NELFCD: variants seen among roughly 807,000 people sequenced by gnomAD.
NELFCD encodes negative elongation factor complex member C/D, also known as negative elongation factor C/D.
A neutral mutation model predicts 72.9 loss-of-function variants in NELFCD; 48 were observed. The ratio of observed to expected loss-of-function variants is 0.66; its 90% CI spans 0.52 to 0.84. The LOEUF (loss-of-function observed/expected upper bound fraction) is 0.84, where lower values mean the gene tolerates loss of function less well. Ranked by LOEUF, NELFCD falls within the 40% of genes least tolerant of loss-of-function variation. The probability of loss-of-function intolerance (pLI) is 0.00; values close to 1 mark genes in which losing one functional copy is unlikely to be tolerated. For synonymous variants in NELFCD, 297 were observed against 280.6 expected (o/e 1.06, Z -0.59); for missense variants, 538 against 723.8 (o/e 0.74, Z 2.94).
At chr20:58,989,723 G>T (rs770780332) in intron 6 of NELFCD, 83 bp downstream of exon 6, 1 of 1,606,798 alleles carries the variant, frequency 6.2e-7, no homozygotes, top group Non-Finnish European at 8.5e-7. Context: ...TCCTTCCCTG[G>T]AGAGAATCTC....
Position 58,991,033 on chromosome 20 carries a change from G to T in NELFCD, c.912G>T (p.Leu304=), listed in dbSNP as rs1037847197. 3.1e-6 allele frequency: 5 copies of T among 1,614,040 alleles called. No individual in the cohort carries two copies. In the African/African-American group the frequency reaches 6.7e-5, roughly 22 times the overall value. Residue 304 remains leucine (L), a synonymous_variant, in exon 8 of 15, where the codon CTG becomes CTT. Coordinates refer to ENST00000652272, the MANE Select transcript of NELFCD (RefSeq NM_198976.4). ...GALNPADITV[L]FKMFTSMDPP... The stretch of plus-strand genomic sequence containing the variant: ...TGAACCCTGCTGACATCACCGTCCT[G>T]TTCAAGATGTTCACAAGCATGGACC...
At position 58,994,733 on chromosome 20, in the gene NELFCD, C is replaced by T. The variant is rs2091846865; in HGVS notation, c.*57C>T. 10 of 1,465,106 alleles carry T rather than the reference C, an allele frequency of 6.8e-6. No individual in the cohort carries two copies. The Admixed American group carries it at 1.4e-4, about 21-fold the overall frequency. The allele number at this position is 1,465,106 out of a possible 1,614,324, so 90.8% of individuals were successfully genotyped here. A position where few individuals can be genotyped will look rare whatever the true frequency, so the allele number is the denominator to read the frequency against. ...ATTCCAGAACCCGTTGTGGAAAAAC[C>T]CTTTCAAGAAGCTGTTTTAAGAGGC... On this transcript the variant is annotated 3_prime_UTR_variant, in exon 15 of 15. Coordinates refer to ENST00000652272, the MANE Select transcript of NELFCD (RefSeq NM_198976.4).
At chr20:58,983,861 G>A in intron 1 of NELFCD, among the ~76,000 whole-genome samples, 1 of 152,122 alleles carries the variant, frequency 6.6e-6, no homozygotes, top group Non-Finnish European at 1.5e-5. Context: ...CCCCACTGAT[G>A]GGAGATTGGG....
intron 1 of NELFCD, among the ~76,000 whole-genome samples, 199 bp from the exon 2 acceptor site, chr20:58,985,894 C>G (rs980625555): frequency 6.6e-6 from 1 of 152,168 alleles, no homozygotes; most frequent in Non-Finnish European, 1.5e-5. Context: ...GTTGTACACA[C>G]CCACTCAGTG....
Position 58,993,001 on chromosome 20 carries a change from TC to T in NELFCD, c.1235del (p.Pro412GlnfsTer3). ...LSTLYQCIRF[P>X]VVAMGVLKWV... ...AAGCATTCTGCCTTAACTGTAGGTT[TC>T]CAGTGGTAGCAATGGGTGTGCTGAA... On this transcript the variant is annotated frameshift_variant, in exon 11 of 15. Coordinates refer to ENST00000652272, the MANE Select transcript of NELFCD (RefSeq NM_198976.4). LOFTEE classifies it high-confidence loss of function. This position sits in a 1 kb window ranked among gnomAD's most constrained non-coding sequence, Gnocchi z 5.0. The T allele has an allele frequency of 6.2e-7, 1 of 1,612,102 alleles. No individual in the cohort carries two copies. The highest frequency in any genetic ancestry group is 8.5e-7 in the Non-Finnish European group (1 of 1,178,132).
At chr20:58,990,857 AG>A in intron 7 of NELFCD, 52 bp from the exon 8 acceptor site, 1 of 1,504,906 alleles carries the variant, frequency 6.6e-7, no homozygotes, top group Admixed American at 2.0e-5. Flanking sequence ...AAAAAAGAAC[AG>A]AAAAAAGAAG....
intron 1 of NELFCD, among the ~76,000 whole-genome samples, chr20:58,981,726 A>C (rs1054479574): frequency 1.4e-4 from 22 of 151,952 alleles, no homozygotes; most frequent in Non-Finnish European, 3.2e-4. Context: ...ACCAACGCTA[A>C]GGTGGAGGGT....
chr20:58,989,769 G>T, intron 6 of NELFCD, 89 bp from the exon 7 acceptor site: 2 of 1,608,136 alleles, frequency 1.2e-6, no homozygotes, highest in Non-Finnish European at 1.7e-6. Flanking sequence ...GCTCACTCCC[G>T]GGCCCGAGCA....
Position 58,994,236 on chromosome 20 carries a change from A to G in NELFCD, c.1708A>G (p.Ile570Val), listed in dbSNP as rs747293890. The G allele has an allele frequency of 1.1e-5, 18 of 1,614,080 alleles. No individual in the cohort carries two copies. Among genetic ancestry groups the G allele is most frequent in the Non-Finnish European group, 1.5e-5 (18 of 1,179,956 alleles). ...EGEHDPVTEF[I>V]AHCKSNFIMV... ...CGAGCATGACCCTGTGACGGAGTTT[A>G]TAGGTGAGGCCGACTGCCTAGCCCT... The change falls in exon 14 of 15, where the codon ATA becomes GTA. Residue 570 changes from isoleucine to valine, a missense_variant. This residue lies in a region of NELFCD where 136 missense variants were observed against 154.0 expected (regional missense o/e 0.88). Coordinates refer to ENST00000652272, the MANE Select transcript of NELFCD (RefSeq NM_198976.4).
intron 1 of NELFCD, among the ~76,000 whole-genome samples, chr20:58,981,903 A>G (rs575465971): frequency 4.4e-4 from 67 of 152,286 alleles, no homozygotes; most frequent in Non-Finnish European, 7.9e-4. Context: ...GGGCAAACTG[A>G]TGGAAAGGAT....
At position 58,986,018 on chromosome 20, in the gene NELFCD, T is replaced by G; in HGVS notation, c.61-75T>G. The G allele has an allele frequency of 1.1e-6, 1 of 951,876 alleles. No homozygotes were observed. Among genetic ancestry groups the G allele is most frequent in the Non-Finnish European group, 1.7e-6 (1 of 577,340 alleles). 59.0% of individuals were successfully genotyped at this position (951,876 alleles called of 1,614,324 possible). ...TAGAATACTTTCAAAATGGGCAGCATTATACGATTTAAGGTGAGATTAGGG... is the reference window on the plus strand; with the variant it reads ...TAGAATACTTTCAAAATGGGCAGCAGTATACGATTTAAGGTGAGATTAGGG... On this transcript the variant is annotated intron_variant, in intron 1 of 14. Transcript: ENST00000652272. The surrounding 1 kb of genome is among the most constrained non-coding windows in gnomAD (Gnocchi z 4.4).
chr20:58,981,531 G>GCCCCGC (rs1185936648), intron 1 of NELFCD, among the ~76,000 whole-genome samples, 162 bp downstream of exon 1: 2 of 146,862 alleles, frequency 1.4e-5, no homozygotes, highest in South Asian at 2.1e-4. Flanking sequence ...AGCACAGCCC[G>GCCCCGC]CCCCGCCCCC....
chr20:58,994,887 T>G lies in NELFCD; in HGVS notation c.*211T>G. The stretch of plus-strand genomic sequence containing the variant: ...CCCTTCTCTGCTGTCAATCCAATAC[T>G]GCTCCCAAATCCTGTTTTCAGTGTT... On this transcript the variant is annotated 3_prime_UTR_variant, in exon 15 of 15. Coordinates refer to ENST00000652272, the MANE Select transcript of NELFCD (RefSeq NM_198976.4). 1.8e-6 allele frequency: 1 copy of G among 564,446 alleles called. No homozygotes were observed. Among genetic ancestry groups the G allele is most frequent in the Non-Finnish European group, 3.2e-6 (1 of 316,410 alleles). 35.0% of individuals were successfully genotyped at this position (564,446 alleles called of 1,614,324 possible).
chr20:58,992,711 C>T (rs1013216692), intron 10 of NELFCD, among the ~76,000 whole-genome samples: 1 of 152,060 alleles, frequency 6.6e-6, no homozygotes, highest in Non-Finnish European at 1.5e-5. Flanking sequence ...GTCTGAGCAA[C>T]ATGGTGGACC....
intron 13 of NELFCD, 32 bp from the exon 14 acceptor site, chr20:58,994,078 C>CG (rs2091838759): frequency 6.2e-7 from 1 of 1,611,102 alleles, no homozygotes; most frequent in Non-Finnish European, 8.5e-7. Flanking sequence ...CACTAGTGTG[C>CG]GGAAGAAGTC....
chr20:58,981,341 A>C lies in NELFCD; in HGVS notation c.32A>C (p.Glu11Ala). The change falls in exon 1 of 15, where the codon GAG becomes GCG. Residue 11 changes from glutamate to alanine, a missense_variant. Transcript: ENST00000652272. MDEDYYGSAA[E>A]WGDEADGGQQ... ...GAGGACTACTACGGGAGCGCGGCCG[A>C]GTGGGGCGACGAGGCTGACGGCGGC... 9.0e-7 allele frequency: 1 copy of C among 1,106,624 alleles called. No individual in the cohort carries two copies. Among genetic ancestry groups the C allele is most frequent in the Non-Finnish European group, 1.1e-6 (1 of 904,096 alleles). 68.6% of individuals were successfully genotyped at this position (1,106,624 alleles called of 1,614,324 possible).
chr20:58,994,371 C>G, intron 14 of NELFCD, 132 bp downstream of exon 14: 1 of 903,170 alleles, frequency 1.1e-6, no homozygotes, highest in Non-Finnish European at 1.7e-6. Context: ...CAAGACCAGC[C>G]CGACCAACAT....
At chr20:58,992,900 A>G (rs1601218413) in intron 10 of NELFCD, 98 bp from the exon 11 acceptor site, 2 of 720,740 alleles carry the variant, frequency 2.8e-6, no homozygotes, top group Non-Finnish European at 2.5e-6. Flanking sequence ...TGAATGATGG[A>G]GTCATTTGAG....
chr20:58,987,165 AT>A, intron 3 of NELFCD: 1 of 325,734 alleles, frequency 3.1e-6, no homozygotes, highest in African/African-American at 2.2e-5. Flanking sequence ...TCAGTGTGTC[AT>A]TTTCAAGACG....
Sources: gnomAD v4.1 joint callset for allele counts (sites outside exome capture counted in the v4.1 genomes callset) on GRCh38, gnomAD v4.1.1 for gene constraint, gnomAD v4.1.1 regional missense constraint, Gnocchi (gnomAD v3.1) non-coding constraint, MANE v1.5 for transcripts, NCBI Gene and HGNC (gene_info 2026-07-23, HGNC 2026-07-21) for gene names.